Variants in ERC2 observed in about 807,000 individuals in gnomAD.
The protein encoded by ERC2 is ELKS/RAB6-interacting/CAST family member 2, also known as ERC protein 2.
A neutral mutation model predicts 114.8 loss-of-function variants in ERC2; 42 were observed. That is an observed-to-expected ratio of 0.37 (90% CI 0.29 to 0.47). The LOEUF (loss-of-function observed/expected upper bound fraction) is 0.47, where lower values mean the gene tolerates loss of function less well. ERC2 is among the 20% of genes least tolerant of loss of function. The pLI, the probability that ERC2 is intolerant of heterozygous loss-of-function variation, is 0.99. For synonymous variants in ERC2, 454 were observed against 425.5 expected, an observed-to-expected ratio of 1.07 and a Z score of -0.82; for missense variants, 939 against 1,150.7, an observed-to-expected ratio of 0.82 and a Z score of 2.66.
intron 4 of ERC2, among the ~76,000 whole-genome samples, chr3:56,151,615 C>T (rs1429761193): frequency 6.6e-6 from 1 of 152,136 alleles, no homozygotes; most frequent in Non-Finnish European, 1.5e-5. Flanking sequence ...GCATGTCTAC[C>T]GCTTTTCAAC....
intron 7 of ERC2, among the ~76,000 whole-genome samples, chr3:56,048,236 G>A (rs1025092986): frequency 6.6e-6 from 1 of 152,188 alleles, no homozygotes; most frequent in Non-Finnish European, 1.5e-5. Context: ...GCAGGAAGAA[G>A]CTATAAGCCA....
intron 16 of ERC2, among the ~76,000 whole-genome samples, chr3:55,684,296 G>A (rs892643867): frequency 1.3e-5 from 2 of 151,168 alleles, no homozygotes; most frequent in African/African-American, 4.9e-5. Flanking sequence ...AATAAAGGCT[G>A]AAGAATTAAA....
intron 17 of ERC2, among the ~76,000 whole-genome samples, chr3:55,605,589 T>G (rs551433508): frequency 1.3e-5 from 2 of 152,334 alleles, no homozygotes; most frequent in Admixed American, 6.5e-5. Flanking sequence ...ATGAGACACT[T>G]CAGAGGCTGT....
chr3:55,712,921 C>T (rs538908392), intron 15 of ERC2, among the ~76,000 whole-genome samples: 1 of 152,144 alleles, frequency 6.6e-6, no homozygotes, highest in Non-Finnish European at 1.5e-5. Flanking sequence ...TGAGAGAATT[C>T]TTTGAATAAA....
chr3:55,916,064 C>T (rs1409937504), intron 13 of ERC2, among the ~76,000 whole-genome samples: 1 of 152,168 alleles, frequency 6.6e-6, no homozygotes, highest in African/African-American at 2.4e-5. Flanking sequence ...ATGAACTCTG[C>T]TGCGAGGTCA....
At chr3:55,849,024 A>C (rs2061472242) in intron 14 of ERC2, among the ~76,000 whole-genome samples, 1 of 152,164 alleles carries the variant, frequency 6.6e-6, no homozygotes, top group African/African-American at 2.4e-5. Context: ...CAAAAAACAG[A>C]GACAGTGCCT....
chr3:56,179,987 C>T (rs574476371), intron 3 of ERC2, among the ~76,000 whole-genome samples: 1 of 152,050 alleles, frequency 6.6e-6, no homozygotes, highest in South Asian at 2.1e-4. Flanking sequence ...GACAGGGGTA[C>T]TCCAAGAGTG....
At chr3:55,949,660 C>T (rs2067363462) in intron 13 of ERC2, among the ~76,000 whole-genome samples, 1 of 152,184 alleles carries the variant, frequency 6.6e-6, no homozygotes. Context: ...TCTCCTATCT[C>T]CAAGGAGGAA....
At chr3:55,602,548 C>A (rs1010938714) in intron 17 of ERC2, among the ~76,000 whole-genome samples, 5 of 152,210 alleles carry the variant, frequency 3.3e-5, no homozygotes, top group African/African-American at 1.2e-4. Context: ...AAATCTCAGT[C>A]TCTGCAGGAG....
In ERC2 at chr3:55,729,887, G is replaced by A. The variant is rs552713853; in HGVS notation, c.2712+4884C>T. Among the ~76,000 whole-genome samples, 6 of 134,890 alleles carry A rather than the reference G, an allele frequency of 4.4e-5. No individual in the cohort carries two copies. The East Asian group carries it at 1.2e-3, about 26-fold the overall frequency. The allele number at this position is 134,890 out of a possible 152,430, so 88.5% of individuals were successfully genotyped here. On this transcript the variant is annotated intron_variant, in intron 15 of 17. Coordinates refer to ENST00000288221, the MANE Select transcript of ERC2 (RefSeq NM_015576.3). ...AAAATTGTAAGCTACACAAGGAAGC[G>A]GTCTTTATGTATTTTGGTCACTGAT...
At chr3:56,300,614 C>T (rs1487466595) in intron 2 of ERC2, among the ~76,000 whole-genome samples, 1 of 152,232 alleles carries the variant, frequency 6.6e-6, no homozygotes, top group East Asian at 1.9e-4. Context: ...ATCTGTATAT[C>T]ATTTGTAATA....
At chr3:56,270,811 C>T (rs932045248) in intron 3 of ERC2, among the ~76,000 whole-genome samples, 5 of 152,134 alleles carry the variant, frequency 3.3e-5, no homozygotes, top group African/African-American at 9.7e-5. Flanking sequence ...AACCCCGTCT[C>T]TACTAAAAAT....
intron 2 of ERC2, among the ~76,000 whole-genome samples, chr3:56,387,791 T>C (rs937382998): frequency 2.0e-5 from 3 of 152,098 alleles, no homozygotes; most frequent in Admixed American, 2.0e-4. Flanking sequence ...GACCCAGCCA[T>C]CAATGCTAAA....
chr3:56,287,194 G>A (rs747379298), intron 3 of ERC2, among the ~76,000 whole-genome samples: 10 of 152,262 alleles, frequency 6.6e-5, no homozygotes, highest in Non-Finnish European at 8.8e-5. Context: ...TGCAATTTCC[G>A]TGTCTCACAA....
At chr3:55,789,089 T>C (rs1055700060) in intron 14 of ERC2, among the ~76,000 whole-genome samples, 1 of 152,238 alleles carries the variant, frequency 6.6e-6, no homozygotes, top group Non-Finnish European at 1.5e-5. Flanking sequence ...ATCTTTGTCG[T>C]CGTGTTACAA....
chr3:55,790,236 TC>T (rs1421358363), intron 14 of ERC2, among the ~76,000 whole-genome samples: 2 of 152,160 alleles, frequency 1.3e-5, no homozygotes, highest in Non-Finnish European at 2.9e-5. Context: ...TTCTTATAGT[TC>T]CTTCTGCCTA....
At chr3:55,551,531 AAAAAACAAAAAAC>A (rs1031227455) in intron 17 of ERC2, among the ~76,000 whole-genome samples, 26 of 152,172 alleles carry the variant, frequency 1.7e-4, no homozygotes, top group African/African-American at 6.0e-4. Flanking sequence ...TCAAAAAAAC[AAAAAACAAAAAAC>A]AAAAACAAAA....
chr3:55,517,446 CA>C (rs11309251), intron 17 of ERC2, among the ~76,000 whole-genome samples: 33,621 of 89,164 alleles, frequency 0.38, 2,920 homozygotes, highest in African/African-American at 0.39. Context: ...GACTCCGTCT[CA>C]AAAAAAAAAA....
At chr3:56,125,054 T>A (rs553167699) in intron 6 of ERC2, among the ~76,000 whole-genome samples, 1 of 152,300 alleles carries the variant, frequency 6.6e-6, no homozygotes, top group South Asian at 2.1e-4. Flanking sequence ...AAAATGAGCT[T>A]CCTTCTTCTA....
Sources: allele counts gnomAD v4.1 joint callset (sites outside exome capture counted in the v4.1 genomes callset), GRCh38; gene constraint gnomAD v4.1.1; transcripts MANE v1.5; gene names NCBI Gene and HGNC (gene_info 2026-07-23, HGNC 2026-07-21).